PKLR: variants seen among roughly 807,000 people sequenced by gnomAD.
PKLR encodes the protein pyruvate kinase PKLR.
In PKLR, 38 loss-of-function variants were observed where a neutral mutation model predicts 53.6. The observed-to-expected ratio is 0.71, with a 90% CI of 0.55 to 0.93. The LOEUF (loss-of-function observed/expected upper bound fraction) is 0.93, where lower values mean the gene tolerates loss of function less well. Ranked by LOEUF, PKLR falls within the 40% of genes least tolerant of loss-of-function variation. The pLI is 0.00. For missense variants in PKLR, 702 were observed against 787.3 expected, an observed-to-expected ratio of 0.89 and a Z score of 1.30; for synonymous variants, 328 against 316.2, an observed-to-expected ratio of 1.04 and a Z score of -0.39.
intron 2 of PKLR, among the ~76,000 whole-genome samples, chr1:155,298,506 T>A (rs958524663): frequency 4.6e-5 from 7 of 151,442 alleles, no homozygotes; most frequent in Non-Finnish European, 8.8e-5. Flanking sequence ...TTTTTTGTAT[T>A]TTTAGTAGAG....
Position 155,294,589 on chromosome 1 carries a change from G to T in PKLR, c.858C>A (p.Ser286=), listed in dbSNP as rs150532071. 376 of 1,614,124 alleles carry T rather than the reference G, an allele frequency of 2.3e-4. 1 individual carries two copies. The highest frequency in any genetic ancestry group is 3.1e-4 in the Non-Finnish European group (363 of 1,180,050). ...CCACGTCGCTGGCTTTCCGCACAAA[G>T]GAGGCAAAGACGATGTCCACCCCAT... ...VEHGVDIVFA[S]FVRKASDVAA... The change falls in exon 6 of 11, where the codon TCC becomes TCA. Residue 286 remains serine (S), a synonymous_variant. Transcript: ENST00000342741.
intron 1 of PKLR, among the ~76,000 whole-genome samples, chr1:155,300,625 A>G (rs1647939847): frequency 6.6e-6 from 1 of 151,892 alleles, no homozygotes; most frequent in Admixed American, 6.6e-5. Flanking sequence ...GGACCCCCCG[A>G]CCTGCAGCTA....
rs763280050 is a variant in PKLR at position 155,294,760 on chromosome 1, C to T, written c.695-8G>A. The T allele has an allele frequency of 6.2e-7, 1 of 1,613,834 alleles. No homozygotes were observed. The highest frequency in any genetic ancestry group is 8.5e-7 in the Non-Finnish European group (1 of 1,180,030). ...TCACCAGTCCCTCTGGGCCTGCGGACATGGAAAGAGCCAGCTGCGGTCAGG... is the reference window on the plus strand; with the variant it reads ...TCACCAGTCCCTCTGGGCCTGCGGATATGGAAAGAGCCAGCTGCGGTCAGG... On this transcript the variant is annotated splice_polypyrimidine_tract_variant and splice_region_variant and intron_variant, in intron 5 of 10. Transcript: ENST00000342741.
upstream of PKLR, chr1:155,301,557 C>A: frequency 1.3e-6 from 1 of 770,374 alleles, no homozygotes; most frequent in Non-Finnish European, 2.2e-6. Context: ...TGCTCTCTGC[C>A]CTCATCTCCT....
chr1:155,307,086 G>A, the PKLR span, among the ~76,000 whole-genome samples: 1 of 152,082 alleles, frequency 6.6e-6, no homozygotes, highest in African/African-American at 2.4e-5. Flanking sequence ...GGCTAATTTT[G>A]GATTTTTTAG....
At chr1:155,308,108 G>A in the PKLR span, among the ~76,000 whole-genome samples, 1 of 146,610 alleles carries the variant, frequency 6.8e-6, no homozygotes, top group Non-Finnish European at 1.5e-5. Flanking sequence ...CCCAGCTAGA[G>A]TGCAGTGGTT....
chr1:155,298,986 CTTT>C (rs1320995538), intron 2 of PKLR, among the ~76,000 whole-genome samples: 19 of 91,832 alleles, frequency 2.1e-4, no homozygotes, highest in Admixed American at 3.2e-4. Flanking sequence ...TTCTTTCTTT[CTTT>C]CTTTCTTTCT....
intron 10 of PKLR, 117 bp downstream of exon 10, chr1:155,291,638 CA>C (rs1674547063): frequency 1.2e-6 from 1 of 867,064 alleles, no homozygotes; most frequent in African/African-American, 1.6e-5. Context: ...GTGACTCTCA[CA>C]GGGAAAACCT....
intron 1 of PKLR, 42 bp downstream of exon 1, chr1:155,301,252 TCA>T (rs1647975165): frequency 6.2e-7 from 1 of 1,609,714 alleles, no homozygotes; most frequent in African/African-American, 1.3e-5. Flanking sequence ...GTTTTCACCC[TCA>T]TTTTCCTCCT....
chr1:155,306,865 T>TCGTG, the PKLR span, among the ~76,000 whole-genome samples: 1 of 152,186 alleles, frequency 6.6e-6, no homozygotes, highest in African/African-American at 2.4e-5. The surrounding 1 kb of genome is among the most constrained non-coding windows in gnomAD (Gnocchi z 4.2). Flanking sequence ...TCTGGTGGGT[T>TCGTG]CGTGGTCTTG....
rs886045351 is a variant in PKLR, at chr1:155,295,550, CGAT to C, written c.391_393del (p.Ile131del). 80 of 1,613,828 alleles carry C rather than the reference CGAT, an allele frequency of 5.0e-5. No homozygotes were observed. The highest frequency in any genetic ancestry group is 6.8e-5 in the Non-Finnish European group (80 of 1,179,948). ...CTCTCCACCGCCTCCCGGACGTTGG[CGAT>C]GGACTCAGCATGGTACTGGGGGAGG... is the stretch of plus-strand genomic sequence containing the variant. On this transcript the variant is annotated inframe_deletion, in exon 4 of 11. Transcript: ENST00000342741. This position sits in a 1 kb window ranked among gnomAD's most constrained non-coding sequence, Gnocchi z 4.3.
At chr1:155,296,035 G>A (rs540886110) in intron 2 of PKLR, among the ~76,000 whole-genome samples, 125 of 152,272 alleles carry the variant, frequency 8.2e-4, no homozygotes, top group African/African-American at 2.8e-3. Context: ...TATGGGCATG[G>A]GTATGTAAGT....
intron 5 of PKLR, 128 bp downstream of exon 5, chr1:155,294,988 C>G (rs1647475509): frequency 1.7e-6 from 2 of 1,158,254 alleles, no homozygotes; most frequent in African/African-American, 3.1e-5. Flanking sequence ...CTGGGGACTC[C>G]TGGGACGGGC....
chr1:155,299,041 T>C (rs144713636), intron 2 of PKLR, among the ~76,000 whole-genome samples: 5,072 of 77,698 alleles, frequency 0.065, 434 homozygotes, highest in East Asian at 0.3. Flanking sequence ...TTTCTCTTTC[T>C]TTCTTTCTTT....
upstream of PKLR, among the ~76,000 whole-genome samples, chr1:155,303,412 C>T (rs1648140916): frequency 6.6e-6 from 1 of 152,184 alleles, no homozygotes; most frequent in South Asian, 2.1e-4. Flanking sequence ...TATCGAGCAC[C>T]TACGCTGTAT....
rs988065685 is a variant in PKLR at position 155,289,885 on chromosome 1, G to A, written c.*687C>T. 1.9e-4 allele frequency: 29 copies of A among 152,508 alleles called. No individual in the cohort carries two copies. 9.4% of individuals were successfully genotyped at this position (152,508 alleles called of 1,614,324 possible). A position where few individuals can be genotyped will look rare whatever the true frequency, so the allele number is the denominator to read the frequency against. On this transcript the variant is annotated 3_prime_UTR_variant, in exon 11 of 11. Coordinates refer to ENST00000342741, the MANE Select transcript of PKLR (RefSeq NM_000298.6). ...TGGTTTGTGTGTGGGAACAACATGA[G>A]TGGGAAGGAATTTCTGGGTGCAGAA...
At chr1:155,294,891 C>A in intron 5 of PKLR, 139 bp from the exon 6 acceptor site, 1 of 1,231,490 alleles carries the variant, frequency 8.1e-7, no homozygotes, top group South Asian at 1.3e-5. Flanking sequence ...CTGGGCTTCG[C>A]CCGGAAGAGG....
At chr1:155,299,049 T>TTCC (rs1647821937) in intron 2 of PKLR, among the ~76,000 whole-genome samples, 7 of 130,586 alleles carry the variant, frequency 5.4e-5, no homozygotes, top group East Asian at 2.5e-4. Flanking sequence ...TCTTTCTTTC[T>TTCC]TTCCTTCCTT....
chr1:155,307,952 T>A, the PKLR span, among the ~76,000 whole-genome samples: 2 of 152,148 alleles, frequency 1.3e-5, no homozygotes, highest in Admixed American at 1.3e-4. Flanking sequence ...AATTTTTGTA[T>A]TTTTAGTAGA....
Sources: allele counts gnomAD v4.1 joint callset (sites outside exome capture counted in the v4.1 genomes callset), GRCh38; gene constraint gnomAD v4.1.1; non-coding constraint Gnocchi (gnomAD v3.1); transcripts MANE v1.5; gene names NCBI Gene and HGNC (gene_info 2026-07-23, HGNC 2026-07-21).